HIKESHI: variants seen among roughly 807,000 people sequenced by gnomAD.
HIKESHI encodes protein Hikeshi.
In HIKESHI, 13 loss-of-function variants were observed where a neutral mutation model predicts 25.7. The ratio of observed to expected loss-of-function variants is 0.51; its 90% confidence interval spans 0.33 to 0.80. HIKESHI has a LOEUF of 0.80. Among genes scored for constraint, HIKESHI ranks in the 30% least tolerant of loss-of-function variants. The pLI is 0.02. For synonymous variants in HIKESHI, 76 were observed against 78.7 expected (o/e 0.97, Z 0.18); for missense variants, 174 against 229.5 (o/e 0.76, Z 1.56).
chr11:86,342,085 T>C (rs1188117953), intron 3 of HIKESHI, among the ~76,000 whole-genome samples: 3 of 152,286 alleles, frequency 2.0e-5, no homozygotes, highest in South Asian at 2.1e-4. Context: ...TAGAATATCA[T>C]ACTTAGTTTG....
intron 2 of HIKESHI, among the ~76,000 whole-genome samples, chr11:86,328,437 T>TG (rs1947339549): frequency 6.6e-6 from 1 of 150,608 alleles, no homozygotes; most frequent in African/African-American, 2.4e-5. Context: ...GTTTTTTGTT[T>TG]TTTTTTTTTT....
rs1383589741 is a variant in HIKESHI, at chr11:86,319,242, A to ATATTTT, written c.268+12761_268+12762insATTTTT. Among the ~76,000 whole-genome samples the ATATTTT allele has an allele frequency of 5.4e-3, 511 of 94,914 alleles. 3 individuals are homozygous for ATATTTT. The highest frequency in any genetic ancestry group is 0.021 in the African/African-American group (444 of 21,628). The allele number at this position is 94,914 out of a possible 152,430, so 62.3% of individuals were successfully genotyped here. ...AATATATATATATATATATATATAT[A>ATATTTT]TTTTTTTTTTTTTTGAGACCAGTCT... On this transcript the variant is annotated intron_variant, in intron 2 of 4. Coordinates refer to ENST00000278483, the MANE Select transcript of HIKESHI (RefSeq NM_016401.4).
Position 86,302,382 on chromosome 11 carries a change from G to T in HIKESHI, c.-67G>T, listed in dbSNP as rs1946517949. ...TGGAAGGTTCTTAGTCTCGACTAGG[G>T]CAGTAGCCCCAGGACTCCTAGTCGC... On this transcript the variant is annotated 5_prime_UTR_variant, in exon 1 of 5. Coordinates refer to ENST00000278483, the MANE Select transcript of HIKESHI (RefSeq NM_016401.4). The T allele has an allele frequency of 1.3e-6, 2 of 1,543,834 alleles. No individual in the cohort carries two copies. The highest frequency in any genetic ancestry group is 1.4e-5 in the African/African-American group (1 of 73,064).
chr11:86,317,789 A>G (rs1019945950), intron 2 of HIKESHI, among the ~76,000 whole-genome samples: 1 of 150,000 alleles, frequency 6.7e-6, no homozygotes, highest in Non-Finnish European at 1.5e-5. Context: ...TGGGCGATAG[A>G]AAAAAAACAA....
chr11:86,320,414 A>G (rs1310477177), intron 2 of HIKESHI, among the ~76,000 whole-genome samples: 1 of 152,088 alleles, frequency 6.6e-6, no homozygotes, highest in African/African-American at 2.4e-5. Context: ...CCTGTCTACT[A>G]AAAACACAAA....
chr11:86,335,490 C>T (rs921623464), intron 2 of HIKESHI, among the ~76,000 whole-genome samples: 3 of 152,108 alleles, frequency 2.0e-5, no homozygotes, highest in African/African-American at 4.8e-5. Flanking sequence ...GAAAGACCCG[C>T]GAAGACCCAG....
intron 2 of HIKESHI, among the ~76,000 whole-genome samples, chr11:86,309,374 G>A (rs1946772351): frequency 6.6e-6 from 1 of 152,190 alleles, no homozygotes; most frequent in Non-Finnish European, 1.5e-5. Flanking sequence ...CTTCTTTTGA[G>A]AAGTGTGTGT....
rs922435603 is a variant in HIKESHI, at chr11:86,302,340, C to A, written c.-109C>A. 1 of 1,365,814 alleles carries A rather than the reference C, an allele frequency of 7.3e-7. No homozygotes were observed. Among genetic ancestry groups the A allele is most frequent in the Non-Finnish European group, 1.0e-6 (1 of 986,360 alleles). 84.6% of individuals were successfully genotyped at this position (1,365,814 alleles called of 1,614,324 possible). On this transcript the variant is annotated 5_prime_UTR_variant, in exon 1 of 5. Transcript: ENST00000278483. ...AGTCACTATGTAGTGGAGGGGCAGA[C>A]ACCCTCCCGCAAATTCTGGAAGGTT...
chr11:86,340,118 T>C (rs1947685477), intron 3 of HIKESHI, among the ~76,000 whole-genome samples: 2 of 152,228 alleles, frequency 1.3e-5, no homozygotes, highest in Admixed American at 6.5e-5. Context: ...CCATGGTGTA[T>C]ATGTGCCACA....
chr11:86,328,150 G>A (rs977724728), intron 2 of HIKESHI, among the ~76,000 whole-genome samples: 1 of 152,132 alleles, frequency 6.6e-6, no homozygotes, highest in African/African-American at 2.4e-5. Flanking sequence ...TATTGTTCCT[G>A]AAATAGAGCA....
intron 2 of HIKESHI, among the ~76,000 whole-genome samples, chr11:86,308,005 T>TTATGTGTAATATATATTATATATAAAATG: frequency 8.0e-6 from 1 of 125,182 alleles, no homozygotes; most frequent in Non-Finnish European, 1.6e-5. Context: ...AAAATGTATA[T>TTATGTGTAATATATATTATATATAAAATG]TATGTGTAAT....
At chr11:86,344,768 A>G in intron 4 of HIKESHI, 47 bp downstream of exon 4, 3 of 1,222,182 alleles carry the variant, frequency 2.5e-6, no homozygotes, top group Non-Finnish European at 3.6e-6. Flanking sequence ...TTATAACTGA[A>G]TATCTATTTT....
chr11:86,313,816 A>T (rs7951478), intron 2 of HIKESHI, among the ~76,000 whole-genome samples: 13,314 of 152,170 alleles, frequency 0.087, 875 homozygotes, highest in African/African-American at 0.18. Context: ...TTCCTGGAGG[A>T]GGTGATATTG....
intron 2 of HIKESHI, among the ~76,000 whole-genome samples, chr11:86,317,650 C>CA (rs1565727913): frequency 6.6e-6 from 1 of 151,844 alleles, no homozygotes; most frequent in African/African-American, 2.4e-5. Context: ...ACTAAAAATA[C>CA]AAAAAATTAG....
At chr11:86,316,924 C>T (rs1305912482) in intron 2 of HIKESHI, among the ~76,000 whole-genome samples, 2 of 151,230 alleles carry the variant, frequency 1.3e-5, no homozygotes, top group East Asian at 3.9e-4. Context: ...CTCCCGAGTA[C>T]CTGGGACTAC....
intron 3 of HIKESHI, among the ~76,000 whole-genome samples, chr11:86,341,021 A>G (rs1001062122): frequency 6.6e-6 from 1 of 152,194 alleles, no homozygotes; most frequent in African/African-American, 2.4e-5. Context: ...CTTAGAAGCT[A>G]TGATTTTCAA....
chr11:86,334,183 A>G (rs1947487218), intron 2 of HIKESHI, among the ~76,000 whole-genome samples: 1 of 151,944 alleles, frequency 6.6e-6, no homozygotes, highest in Admixed American at 6.6e-5. Context: ...GAAAAAATCT[A>G]ATAAAGTTGT....
intron 2 of HIKESHI, among the ~76,000 whole-genome samples, chr11:86,334,639 A>T (rs7114282): frequency 0.62 from 94,260 of 152,082 alleles, 29,415 homozygotes; most frequent in East Asian, 0.79. Flanking sequence ...TAGATTTAAA[A>T]GAAATCAAAC....
chr11:86,325,336 T>A (rs1947252053), intron 2 of HIKESHI, among the ~76,000 whole-genome samples: 1 of 152,088 alleles, frequency 6.6e-6, no homozygotes, highest in African/African-American at 2.4e-5. Flanking sequence ...TTGTAGGGTG[T>A]CTTAAAGCCA....
Sources: gnomAD v4.1 joint callset for allele counts (sites outside exome capture counted in the v4.1 genomes callset) on GRCh38, gnomAD v4.1.1 for gene constraint, MANE v1.5 for transcripts, NCBI Gene and HGNC (gene_info 2026-07-23, HGNC 2026-07-21) for gene names.